The following ICA1L variants were observed in gnomAD, a reference collection of about 807,000 sequenced individuals.
The protein encoded by ICA1L is islet cell autoantigen 1-like protein.
In ICA1L, 50 loss-of-function variants were observed where a neutral mutation model predicts 61.3. The observed-to-expected ratio is 0.82, with a 90% confidence interval of 0.65 to 1.03. ICA1L has a LOEUF of 1.03. Ranked by LOEUF, ICA1L falls within the 50% of genes least tolerant of loss-of-function variation. The pLI, the probability that ICA1L is intolerant of heterozygous loss-of-function variation, is 0.00. For missense variants in ICA1L, 508 were observed against 556.7 expected, an observed-to-expected ratio of 0.91 and a Z score of 0.88; for synonymous variants, 161 against 191.3, an observed-to-expected ratio of 0.84 and a Z score of 1.31.
chr2:202,849,997 C>T lies in ICA1L; in HGVS notation c.-7-20981G>A, dbSNP rs958187592. ...TTCTGTAGCCTCTGCTGGTGATACC[C>T]AGGCAAACAGGTTATAGAGTAGACC... On this transcript the variant is annotated intron_variant, in intron 1 of 12. Transcript: ENST00000358299. The surrounding 1 kb of genome is among the most constrained non-coding windows in gnomAD (Gnocchi z 4.5). Among the ~76,000 whole-genome samples the T allele has an allele frequency of 3.3e-5, 5 of 152,094 alleles. No homozygotes were observed. The highest frequency in any genetic ancestry group is 5.9e-5 in the Non-Finnish European group (4 of 68,024).
At chr2:202,787,433 T>G (rs1268261729) in intron 11 of ICA1L, among the ~76,000 whole-genome samples, 1 of 152,240 alleles carries the variant, frequency 6.6e-6, no homozygotes, top group East Asian at 1.9e-4. Flanking sequence ...GCCATTGGTA[T>G]GCCACACAAG....
At chr2:202,791,834 A>T (rs1372024405) in intron 10 of ICA1L, among the ~76,000 whole-genome samples, 1 of 151,664 alleles carries the variant, frequency 6.6e-6, no homozygotes, top group Non-Finnish European at 1.5e-5. Context: ...AACAAGAGCA[A>T]AACTCTTGTC....
chr2:202,783,344 G>A (rs145020608), intron 12 of ICA1L, among the ~76,000 whole-genome samples: 2 of 152,172 alleles, frequency 1.3e-5, no homozygotes, highest in African/African-American at 4.8e-5. Flanking sequence ...ATGGAGAAAC[G>A]TGACAGATAC....
intron 1 of ICA1L, among the ~76,000 whole-genome samples, chr2:202,839,846 T>G (rs1574369750): frequency 6.6e-6 from 1 of 152,154 alleles, no homozygotes; most frequent in South Asian, 2.1e-4. Flanking sequence ...ACTTTGTATC[T>G]TTCGTTTATC....
chr2:202,833,584 C>T (rs1254793326), intron 1 of ICA1L, among the ~76,000 whole-genome samples: 2 of 151,228 alleles, frequency 1.3e-5, no homozygotes, highest in Non-Finnish European at 2.9e-5. Flanking sequence ...CAGCCTGTCT[C>T]TAAAAAAATA....
At chr2:202,816,210 T>A (rs1324895849) in intron 6 of ICA1L, among the ~76,000 whole-genome samples, 1 of 152,164 alleles carries the variant, frequency 6.6e-6, no homozygotes, top group Non-Finnish European at 1.5e-5. Flanking sequence ...TGTCTGCACG[T>A]GTGGGAGTTA....
At chr2:202,781,874 C>T (rs910398128) in intron 12 of ICA1L, among the ~76,000 whole-genome samples, 3 of 152,244 alleles carry the variant, frequency 2.0e-5, no homozygotes, top group South Asian at 2.1e-4. Flanking sequence ...CACTCCTACA[C>T]GCAGTTTTTG....
At chr2:202,834,477 A>G (rs2105865075) in intron 1 of ICA1L, among the ~76,000 whole-genome samples, 1 of 152,172 alleles carries the variant, frequency 6.6e-6, no homozygotes, top group South Asian at 2.1e-4. Context: ...AAAAATACAA[A>G]AATTAGCTGG....
chr2:202,816,058 T>A (rs767474656), intron 6 of ICA1L, 49 bp from the exon 7 acceptor site: 24 of 1,176,534 alleles, frequency 2.0e-5, no homozygotes, highest in Non-Finnish European at 2.9e-5. Flanking sequence ...CCCTCCATGA[T>A]TTTTTAAGTG....
intron 1 of ICA1L, chr2:202,841,621 C>T (rs1694333148): frequency 6.3e-6 from 4 of 637,400 alleles, no homozygotes; most frequent in South Asian, 4.3e-5. Context: ...AACTTCCACC[C>T]AGGACACCCC....
At position 202,817,414 on chromosome 2, in the gene ICA1L, G is replaced by C; in HGVS notation, c.684+4C>G. ...AAGGATATGCTGACCATGGAGGTGG[G>C]TACCTGGTAGGTAGTGAGCGAATGA... On this transcript the variant is annotated splice_donor_region_variant and intron_variant, in intron 6 of 12. Coordinates refer to ENST00000358299, the MANE Select transcript of ICA1L (RefSeq NM_001288622.3). 1 of 1,573,032 alleles carries C rather than the reference G, an allele frequency of 6.4e-7. No individual in the cohort carries two copies. Among genetic ancestry groups the C allele is most frequent in the Non-Finnish European group, 8.6e-7 (1 of 1,158,108 alleles).
chr2:202,866,307 C>T (rs187655136), intron 1 of ICA1L, among the ~76,000 whole-genome samples: 87 of 152,288 alleles, frequency 5.7e-4, no homozygotes, highest in Non-Finnish European at 1.0e-3. Context: ...CCCTCTCTCA[C>T]CATGCGATGC....
Position 202,773,686 on chromosome 2 carries a change from CATT to C in ICA1L, c.*5844_*5846del, listed in dbSNP as rs1574312843. ...TCAGAGATAGATGCCCAAGAGCTATCATTAATATATACAGCATATTGACTCTAG... is the reference window on the plus strand; with the variant it reads ...TCAGAGATAGATGCCCAAGAGCTATCAATATATACAGCATATTGACTCTAG... On this transcript the variant is annotated 3_prime_UTR_variant, in exon 13 of 13. Transcript: ENST00000358299. 6 of 886,274 alleles carry C rather than the reference CATT, an allele frequency of 6.8e-6. No individual in the cohort carries two copies. The East Asian group carries it at 1.5e-4, about 23-fold the overall frequency. 54.9% of individuals were successfully genotyped at this position (886,274 alleles called of 1,614,324 possible).
intron 1 of ICA1L, among the ~76,000 whole-genome samples, chr2:202,864,625 A>ATGTGTGTGTGTGTGTG (rs1238682382): frequency 1.0e-3 from 135 of 135,410 alleles, no homozygotes; most frequent in Non-Finnish European, 1.7e-3. Flanking sequence ...GTGTATATAT[A>ATGTGTGTGTGTGTGTG]TATGTGTGTG....
At chr2:202,783,283 C>G (rs1346827033) in intron 12 of ICA1L, among the ~76,000 whole-genome samples, 1 of 152,142 alleles carries the variant, frequency 6.6e-6, no homozygotes, top group Non-Finnish European at 1.5e-5. Context: ...AAAACACTTC[C>G]CACAAGATAC....
intron 9 of ICA1L, among the ~76,000 whole-genome samples, chr2:202,802,997 T>C (rs1374858772): frequency 2.6e-5 from 4 of 151,656 alleles, no homozygotes; most frequent in African/African-American, 4.9e-5. Flanking sequence ...GGTCCAAATA[T>C]AGTGACAATA....
chr2:202,785,829 A>G (rs1265835247), intron 12 of ICA1L, 89 bp downstream of exon 12: 2 of 713,438 alleles, frequency 2.8e-6, no homozygotes, highest in Non-Finnish European at 4.6e-6. Flanking sequence ...AATGAGGTGA[A>G]AACAATATAA....
At chr2:202,833,608 TAAAA>T (rs1273124263) in intron 1 of ICA1L, among the ~76,000 whole-genome samples, 1 of 151,620 alleles carries the variant, frequency 6.6e-6, no homozygotes, top group Non-Finnish European at 1.5e-5. Flanking sequence ...AATTAAAAAA[TAAAA>T]AGAAGGAAAG....
intron 9 of ICA1L, 23 bp from the exon 10 acceptor site, chr2:202,796,987 A>G (rs780903596): frequency 6.6e-7 from 1 of 1,524,432 alleles, no homozygotes; most frequent in Non-Finnish European, 8.9e-7. Context: ...CACATAAAAG[A>G]GAAGTTGAAC....
Sources: allele counts gnomAD v4.1 joint callset (sites outside exome capture counted in the v4.1 genomes callset), GRCh38; gene constraint gnomAD v4.1.1; non-coding constraint Gnocchi (gnomAD v3.1); transcripts MANE v1.5; gene names NCBI Gene and HGNC (gene_info 2026-07-23, HGNC 2026-07-21).